Variants in CSNK1G3 observed in about 807,000 individuals in gnomAD.
CSNK1G3 encodes the protein casein kinase I isoform gamma-3.
Under a neutral mutation model 64.3 loss-of-function variants are expected in CSNK1G3, and 23 were observed. The observed-to-expected ratio is 0.36, with a 90% CI of 0.26 to 0.51. The LOEUF is 0.51. Ranked by LOEUF, CSNK1G3 falls within the 20% of genes least tolerant of loss-of-function variation. The pLI is 0.96. For missense variants in CSNK1G3, 357 were observed against 510.5 expected (o/e 0.70, Z 2.90); for synonymous variants, 158 against 162.2 (o/e 0.97, Z 0.20).
chr5:123,598,067 G>GTATCA (rs1318304913), intron 10 of CSNK1G3, among the ~76,000 whole-genome samples: 6 of 152,112 alleles, frequency 3.9e-5, no homozygotes, highest in African/African-American at 1.4e-4. Context: ...TAAGTCACTA[G>GTATCA]CTAAAAAGAT....
At chr5:123,612,371 C>T (rs951912203) in intron 12 of CSNK1G3, among the ~76,000 whole-genome samples, 11 of 152,070 alleles carry the variant, frequency 7.2e-5, no homozygotes, top group Admixed American at 2.0e-4. Flanking sequence ...TGTAATTTAA[C>T]TGGACAGTGT....
At chr5:123,591,278 T>A (rs1348913508) in intron 9 of CSNK1G3, 41 bp from the exon 10 acceptor site, 7 of 1,242,432 alleles carry the variant, frequency 5.6e-6, no homozygotes, top group African/African-American at 4.7e-5. Flanking sequence ...ATAAGAATTT[T>A]AAAATGGAAT....
chr5:123,588,264 A>G (rs2150947660), intron 7 of CSNK1G3, 111 bp downstream of exon 7: 6 of 1,047,444 alleles, frequency 5.7e-6, no homozygotes, highest in Admixed American at 2.0e-5. Flanking sequence ...GTAAGTAGGC[A>G]TCAGGGCTCC....
intron 12 of CSNK1G3, 141 bp downstream of exon 13, chr5:123,605,503 C>T (rs1795211528): frequency 2.2e-6 from 2 of 902,496 alleles, no homozygotes; most frequent in Non-Finnish European, 3.3e-6. Context: ...TATTTGATAT[C>T]ATTAAGATAG....
intron 10 of CSNK1G3, among the ~76,000 whole-genome samples, chr5:123,592,916 T>TTCTC (rs1435341602): frequency 6.6e-6 from 1 of 151,852 alleles, no homozygotes; most frequent in Non-Finnish European, 1.5e-5. Flanking sequence ...GGCTCAGAAG[T>TTCTC]TGAGACTTAG....
chr5:123,558,681 T>C (rs886146129), intron 4 of CSNK1G3, among the ~76,000 whole-genome samples: 2 of 152,208 alleles, frequency 1.3e-5, no homozygotes, highest in African/African-American at 2.4e-5. Context: ...AGACTTCTTA[T>C]AATACATATT....
chr5:123,557,500 C>G (rs1347655952), exon 4 of CSNK1G3: 1 of 1,606,578 alleles, frequency 6.2e-7, no homozygotes, highest in Admixed American at 1.7e-5. Flanking sequence ...ATTAGGAGCC[C>G]ATGAAATCAA....
chr5:123,575,662 T>C, intron 5 of CSNK1G3, 67 bp from the exon 6 acceptor site: 1 of 910,398 alleles, frequency 1.1e-6, no homozygotes, highest in Non-Finnish European at 1.8e-6. Context: ...TGTCTTGCCT[T>C]TATCATACTT....
intron 4 of CSNK1G3, among the ~76,000 whole-genome samples, chr5:123,570,510 T>C (rs145520331): frequency 6.6e-6 from 1 of 152,124 alleles, no homozygotes; most frequent in Non-Finnish European, 1.5e-5. Flanking sequence ...CACGCCACCA[T>C]GCCTGGCTAA....
At chr5:123,574,136 A>G (rs968881389) in intron 5 of CSNK1G3, among the ~76,000 whole-genome samples, 3 of 152,166 alleles carry the variant, frequency 2.0e-5, no homozygotes, top group African/African-American at 7.2e-5. Context: ...GGCGTGAGCC[A>G]CCGTGCCGGG....
chr5:123,548,540 T>C (rs1783015699), intron 2 of CSNK1G3, among the ~76,000 whole-genome samples: 1 of 151,974 alleles, frequency 6.6e-6, no homozygotes, highest in African/African-American at 2.4e-5. Context: ...TATATTTATT[T>C]ATTTGCTTTC....
intron 4 of CSNK1G3, among the ~76,000 whole-genome samples, chr5:123,570,376 C>CA (rs145509632): frequency 0.024 from 2,771 of 114,004 alleles, 94 homozygotes; most frequent in African/African-American, 0.087. Context: ...CTTTTTGAAA[C>CA]AGAGTCTTGC....
At position 123,535,304 on chromosome 5, in the gene CSNK1G3, G is replaced by A. The variant is rs998811979; in HGVS notation, c.-247-10113G>A. ...CTTGGATTTCTTATCATTGTCGCAT[G>A]TTATAAAATATTATTATTCTTATAA... is the stretch of plus-strand genomic sequence containing the variant. On this transcript the variant is annotated intron_variant, in intron 1 of 12. Transcript: ENST00000345990. Among the ~76,000 whole-genome samples, 7 of 152,162 alleles carry A rather than the reference G, an allele frequency of 4.6e-5. No homozygotes were observed. The East Asian group carries it at 7.7e-4, about 17-fold the overall frequency.
At chr5:123,594,812 A>G (rs1389838242) in intron 10 of CSNK1G3, among the ~76,000 whole-genome samples, 3 of 152,128 alleles carry the variant, frequency 2.0e-5, no homozygotes, top group Non-Finnish European at 4.4e-5. Flanking sequence ...TACTTCTAAA[A>G]TTTTATGGTT....
exon 13 of CSNK1G3, chr5:123,614,615 A>G (rs989024093): frequency 4.6e-6 from 2 of 432,756 alleles, no homozygotes; most frequent in African/African-American, 2.1e-5. Flanking sequence ...TTTTGTCAAA[A>G]CATGAGTGCT....
chr5:123,579,691 T>A (rs1316297056), intron 6 of CSNK1G3, among the ~76,000 whole-genome samples: 1 of 151,976 alleles, frequency 6.6e-6, no homozygotes, highest in Non-Finnish European at 1.5e-5. Flanking sequence ...TGTTTGTCAT[T>A]GTTAGGAAAA....
At chr5:123,568,116 C>T (rs191763587) in intron 4 of CSNK1G3, among the ~76,000 whole-genome samples, 31 of 152,232 alleles carry the variant, frequency 2.0e-4, no homozygotes, top group East Asian at 1.7e-3. Context: ...GTGCAATGTG[C>T]GGTCGGTGTT....
chr5:123,615,078 T>A (rs1271706292), exon 13 of CSNK1G3: 1 of 152,668 alleles, frequency 6.6e-6, no homozygotes, highest in Non-Finnish European at 1.5e-5. Context: ...TTTTGTTGCA[T>A]CACTATGTGA....
chr5:123,599,953 T>G (rs1207771479), intron 10 of CSNK1G3, among the ~76,000 whole-genome samples: 1 of 152,108 alleles, frequency 6.6e-6, no homozygotes, highest in African/African-American at 2.4e-5. Flanking sequence ...TGAAAATCCA[T>G]TTTGGCTTAT....
Sources: gnomAD v4.1 joint callset for allele counts (sites outside exome capture counted in the v4.1 genomes callset) on GRCh38, gnomAD v4.1.1 for gene constraint, MANE v1.5 for transcripts, NCBI Gene and HGNC (gene_info 2026-07-23, HGNC 2026-07-21) for gene names.